Variants in FOCAD observed in about 807,000 individuals in gnomAD.
FOCAD encodes the protein focadhesin.
FOCAD carries 198 observed loss-of-function variants against 225.6 expected under a neutral mutation model. The observed-to-expected ratio is 0.88, with a 90% CI of 0.78 to 0.99. The LOEUF (loss-of-function observed/expected upper bound fraction) is 0.99. Among genes scored for constraint, FOCAD ranks in the 50% least tolerant of loss-of-function variants. The pLI, the probability that FOCAD is intolerant of heterozygous loss-of-function variation, is 0.00. For synonymous variants in FOCAD, 897 were observed against 755.0 expected (o/e 1.19, Z -3.08); for missense variants, 2,713 against 2,123.6 (o/e 1.28, Z -5.46).
At chr9:20,857,033 ATTTTG>A (rs1828255865) in intron 15 of FOCAD, among the ~76,000 whole-genome samples, 1 of 151,818 alleles carries the variant, frequency 6.6e-6, no homozygotes, top group Non-Finnish European at 1.5e-5. Flanking sequence ...GATTCCTGCA[ATTTTG>A]TTGTTTTTAC....
At chr9:20,938,058 A>C (rs575850798) in intron 28 of FOCAD, among the ~76,000 whole-genome samples, 1 of 152,124 alleles carries the variant, frequency 6.6e-6, no homozygotes, top group Non-Finnish European at 1.5e-5. Context: ...TAGAATGGCA[A>C]TCATTAAAAA....
chr9:20,735,472 C>A (rs1045222752), intron 4 of FOCAD, among the ~76,000 whole-genome samples: 25 of 151,880 alleles, frequency 1.6e-4, no homozygotes, highest in African/African-American at 5.8e-4. Flanking sequence ...ATCCTTCCTT[C>A]CTTCCTTCCT....
At chr9:20,850,537 A>G (rs1329227275) in intron 15 of FOCAD, among the ~76,000 whole-genome samples, 1 of 151,862 alleles carries the variant, frequency 6.6e-6, no homozygotes, top group African/African-American at 2.4e-5. Context: ...AGTATTTACC[A>G]TATGTTAGAA....
chr9:20,931,543 A>C (rs1835471816), intron 27 of FOCAD, among the ~76,000 whole-genome samples: 1 of 152,192 alleles, frequency 6.6e-6, no homozygotes, highest in African/African-American at 2.4e-5. Context: ...TCTAAAAGCA[A>C]GTGTTTTGAG....
intron 15 of FOCAD, among the ~76,000 whole-genome samples, chr9:20,853,480 T>C (rs1019317110): frequency 6.6e-6 from 1 of 151,784 alleles, no homozygotes; most frequent in African/African-American, 2.4e-5. Context: ...ACAGAATAAT[T>C]TAAAAAGTCT....
chr9:20,752,742 C>T (rs950306190), intron 5 of FOCAD, among the ~76,000 whole-genome samples: 3 of 152,130 alleles, frequency 2.0e-5, no homozygotes, highest in African/African-American at 7.2e-5. Context: ...GTGTAAATTA[C>T]CTTGGGCAGT....
intron 39 of FOCAD, 98 bp downstream of exon 39, chr9:20,982,544 T>G (rs1430750585): frequency 5.5e-6 from 5 of 913,464 alleles, no homozygotes; most frequent in African/African-American, 3.3e-5. Flanking sequence ...TTTTGCTTCA[T>G]TTTTGTTATT....
chr9:20,898,221 G>A (rs1277672200), intron 21 of FOCAD, among the ~76,000 whole-genome samples: 1 of 151,422 alleles, frequency 6.6e-6, no homozygotes, highest in Non-Finnish European at 1.5e-5. Context: ...TAGGTTTTTG[G>A]CATTTATCCT....
At chr9:20,808,503 G>A (rs1181450714) in intron 11 of FOCAD, among the ~76,000 whole-genome samples, 2 of 152,138 alleles carry the variant, frequency 1.3e-5, no homozygotes, top group African/African-American at 4.8e-5. Context: ...CCTAGAAAGG[G>A]GCAGACAATT....
chr9:20,990,560 C>T (rs1392627623), intron 42 of FOCAD, among the ~76,000 whole-genome samples, 186 bp downstream of exon 42: 2 of 152,214 alleles, frequency 1.3e-5, no homozygotes, highest in East Asian at 3.8e-4. Context: ...GGGGCAACTG[C>T]TGATTAAACA....
At chr9:20,664,244 T>C (rs1821829445) in intron 2 of FOCAD, among the ~76,000 whole-genome samples, 1 of 150,904 alleles carries the variant, frequency 6.6e-6, no homozygotes, top group Non-Finnish European at 1.5e-5. Flanking sequence ...ATTAAATTTA[T>C]ATCTATTTGT....
intron 11 of FOCAD, among the ~76,000 whole-genome samples, chr9:20,815,139 T>TTTTTTTTGTTTTTTTTTG (rs1823576078): frequency 5.3e-5 from 4 of 75,886 alleles, no homozygotes; most frequent in African/African-American, 2.1e-4. Context: ...TTTTTTTTGT[T>TTTTTTTTGTTTTTTTTTG]TTTTTTTTTT....
At chr9:20,794,028 C>G (rs1006784319) in intron 11 of FOCAD, among the ~76,000 whole-genome samples, 3 of 152,180 alleles carry the variant, frequency 2.0e-5, no homozygotes, top group African/African-American at 7.2e-5. Context: ...CCCTTCAAAT[C>G]AAAGGCCAGT....
At position 20,778,549 on chromosome 9, in the gene FOCAD, T is replaced by A. The variant is rs1819031310; in HGVS notation, c.907-132T>A. 3 of 566,762 alleles carry A rather than the reference T, an allele frequency of 5.3e-6. No individual in the cohort carries two copies. In the South Asian group the frequency reaches 7.5e-5, roughly 14 times the overall value. The allele number at this position is 566,762 out of a possible 1,614,324, so 35.1% of individuals were successfully genotyped here. Reference sequence around the variant, plus strand: ...AATTCTTTCTTTAGTAGAGCACACTTGCTGTATAAATAAATTTGTGTAATA... The same window carrying A: ...AATTCTTTCTTTAGTAGAGCACACTAGCTGTATAAATAAATTTGTGTAATA... On this transcript the variant is annotated intron_variant, in intron 8 of 43. Transcript: ENST00000338382.
intron 11 of FOCAD, among the ~76,000 whole-genome samples, chr9:20,798,758 C>T (rs866985529): frequency 6.6e-6 from 1 of 151,928 alleles, no homozygotes; most frequent in African/African-American, 2.4e-5. Flanking sequence ...ATTAATCTTG[C>T]TAGTGGTCTA....
At chr9:20,665,260 G>T (rs914563791) in intron 2 of FOCAD, among the ~76,000 whole-genome samples, 2 of 152,118 alleles carry the variant, frequency 1.3e-5, no homozygotes, top group Non-Finnish European at 2.9e-5. Context: ...TTATAGAAGA[G>T]TATGATAGTG....
rs1214557204 is a variant in FOCAD at position 20,781,851 on chromosome 9, AG to A, written c.1121del (p.Gly374ValfsTer9). 3.7e-6 allele frequency: 6 copies of A among 1,614,052 alleles called. No homozygotes were observed. The highest frequency in any genetic ancestry group is 1.7e-5 in the Admixed American group (1 of 60,010). On this transcript the variant is annotated frameshift_variant, in exon 10 of 44. Transcript: ENST00000338382. LOFTEE classifies it high-confidence loss of function. ...LEDCISVDEE[G>X]PSRQQLALNL... ...AAGACTGTATATCTGTGGATGAAGA[AG>A]GTCCCTCTAGGCAGCAGTTGGCTCT...
intron 21 of FOCAD, among the ~76,000 whole-genome samples, chr9:20,888,715 G>A (rs773806814): frequency 1.3e-5 from 2 of 152,022 alleles, no homozygotes; most frequent in Admixed American, 6.5e-5. Flanking sequence ...TTATGGGGGC[G>A]GGTCTTTCCT....
Position 20,717,909 on chromosome 9 carries a change from A to G in FOCAD, c.132+41A>G, listed in dbSNP as rs199742177. ...TATGCTTTAATTCTCTTCAGATAAG[A>G]TTGCTACTAGCTGGATCACATATGC... On this transcript the variant is annotated intron_variant, in intron 3 of 43. Coordinates refer to ENST00000338382, the MANE Select transcript of FOCAD (RefSeq NM_001375567.1). 1.1e-5 allele frequency: 16 copies of G among 1,492,218 alleles called. No homozygotes were observed. In the African/African-American group the frequency reaches 2.2e-4, roughly 21 times the overall value. 92.4% of individuals were successfully genotyped at this position (1,492,218 alleles called of 1,614,324 possible). A position where few individuals can be genotyped will look rare whatever the true frequency, so the allele number is the denominator to read the frequency against.
Sources: allele counts gnomAD v4.1 joint callset (sites outside exome capture counted in the v4.1 genomes callset), GRCh38; gene constraint gnomAD v4.1.1; transcripts MANE v1.5; gene names NCBI Gene and HGNC (gene_info 2026-07-23, HGNC 2026-07-21).